PRKG1: variants seen among roughly 807,000 people sequenced by gnomAD.
PRKG1 encodes the protein cGMP-dependent protein kinase 1.
A neutral mutation model predicts 88.1 loss-of-function variants in PRKG1; 35 were observed. The observed-to-expected ratio is 0.40, with a 90% CI of 0.30 to 0.53. The LOEUF (loss-of-function observed/expected upper bound fraction) is 0.53. Among genes scored for constraint, PRKG1 ranks in the 20% least tolerant of loss-of-function variants. The pLI is 0.59. For synonymous variants in PRKG1, 303 were observed against 292.5 expected, an observed-to-expected ratio of 1.04 and a Z score of -0.37; for missense variants, 540 against 839.8, an observed-to-expected ratio of 0.64 and a Z score of 4.41.
At chr10:51,051,789 CA>C (rs1843565322) in intron 1 of PRKG1, among the ~76,000 whole-genome samples, 1 of 152,126 alleles carries the variant, frequency 6.6e-6, no homozygotes, top group Admixed American at 6.5e-5. Flanking sequence ...AGATGAAGAA[CA>C]AACATCACTT....
chr10:51,021,613 T>G (rs561787749), intron 1 of PRKG1, among the ~76,000 whole-genome samples: 10 of 152,278 alleles, frequency 6.6e-5, no homozygotes, highest in African/African-American at 2.4e-4. Context: ...AGGTAGAATT[T>G]TTTTCCTCCT....
chr10:51,053,353 A>G (rs1843589132), intron 1 of PRKG1, among the ~76,000 whole-genome samples: 1 of 152,152 alleles, frequency 6.6e-6, no homozygotes, highest in Non-Finnish European at 1.5e-5. Flanking sequence ...TCCAAAGAAA[A>G]CCTTGGTGCC....
Position 51,302,268 on chromosome 10 carries a change from T to C in PRKG1, c.478+148938T>C, listed in dbSNP as rs78234816. ...CGTTTAAAAACTTTTATTCAAATTG[T>C]ATATAACATCTACTTGACAAACATT... On this transcript the variant is annotated intron_variant, in intron 2 of 17. Transcript: ENST00000373980. Among the ~76,000 whole-genome samples the C allele has an allele frequency of 9.6e-4, 146 of 152,340 alleles. No homozygotes were observed. The East Asian group carries it at 0.026, about 28-fold the overall frequency.
intron 5 of PRKG1, chr10:51,910,733 A>G (rs1019316710): frequency 6.6e-6 from 1 of 152,088 alleles, no homozygotes; most frequent in Admixed American, 6.6e-5. Flanking sequence ...CCAAGCGAAG[A>G]TGGGTGGTTG....
intron 2 of PRKG1, among the ~76,000 whole-genome samples, chr10:51,262,675 G>C (rs549003524): frequency 4.2e-4 from 64 of 152,282 alleles, no homozygotes; most frequent in African/African-American, 1.5e-3. Context: ...AGGCTTAACA[G>C]GAAGCATGGC....
At chr10:52,292,290 G>T (rs371311390) in intron 17 of PRKG1, among the ~76,000 whole-genome samples, 19 of 151,664 alleles carry the variant, frequency 1.3e-4, no homozygotes, top group South Asian at 1.0e-3. Flanking sequence ...GTCAATTTTG[G>T]CTTTTGTTGC....
chr10:51,160,647 C>A (rs993103480), intron 2 of PRKG1, among the ~76,000 whole-genome samples: 1 of 152,094 alleles, frequency 6.6e-6, no homozygotes, highest in Non-Finnish European at 1.5e-5. Flanking sequence ...AATGGTACCT[C>A]GTGATCTTAA....
intron 2 of PRKG1, among the ~76,000 whole-genome samples, chr10:51,158,745 A>G (rs971496954): frequency 4.0e-5 from 6 of 151,866 alleles, no homozygotes; most frequent in African/African-American, 1.5e-4. Flanking sequence ...TCCACCATGT[A>G]CCTTGGAGGC....
chr10:51,115,210 A>G (rs985467081), intron 1 of PRKG1, among the ~76,000 whole-genome samples: 4 of 143,790 alleles, frequency 2.8e-5, no homozygotes, highest in African/African-American at 1.0e-4. Context: ...GCTACTCAGG[A>G]GGCTGAGGCA....
At chr10:51,401,969 CTATT>C (rs1009455607) in intron 2 of PRKG1, among the ~76,000 whole-genome samples, 1 of 152,114 alleles carries the variant, frequency 6.6e-6, no homozygotes, top group African/African-American at 2.4e-5. Context: ...TGCTGCCTCT[CTATT>C]TATCCAATAG....
At chr10:51,168,508 CAT>C (rs894097735) in intron 2 of PRKG1, among the ~76,000 whole-genome samples, 3 of 151,976 alleles carry the variant, frequency 2.0e-5, no homozygotes, top group Admixed American at 6.6e-5. Context: ...ATAGAGTAAA[CAT>C]CCATAGAAGT....
At chr10:51,316,788 C>T (rs575556316) in intron 2 of PRKG1, among the ~76,000 whole-genome samples, 52 of 152,268 alleles carry the variant, frequency 3.4e-4, no homozygotes, top group African/African-American at 1.2e-3. Flanking sequence ...TCAAATATTA[C>T]CACATTTCAA....
chr10:52,226,276 A>G (rs1840387115), intron 9 of PRKG1, among the ~76,000 whole-genome samples: 1 of 152,128 alleles, frequency 6.6e-6, no homozygotes, highest in African/African-American at 2.4e-5. Flanking sequence ...GGTTCAAGTT[A>G]TTTACCACAG....
intron 7 of PRKG1, among the ~76,000 whole-genome samples, chr10:52,069,462 T>C (rs1426825397): frequency 6.6e-6 from 1 of 151,990 alleles, no homozygotes; most frequent in Non-Finnish European, 1.5e-5. Context: ...ACCCAGGAGG[T>C]AGAGGTTGCA....
At chr10:52,152,385 C>T (rs1837953084) in intron 8 of PRKG1, among the ~76,000 whole-genome samples, 1 of 152,072 alleles carries the variant, frequency 6.6e-6, no homozygotes, top group African/African-American at 2.4e-5. Context: ...TTTAAACAAA[C>T]AAAGTGATTT....
rs74476756 is a variant in PRKG1, at chr10:51,722,869, G to T, written c.593-81716G>T. On this transcript the variant is annotated intron_variant, in intron 3 of 17. Coordinates refer to ENST00000373980, the MANE Select transcript of PRKG1 (RefSeq NM_006258.4). ...TGATTAAATGTTAAATCTCAGTCTCGCAGAAAAGTTCATAATCCATGTAAA... is the reference window on the plus strand; with the variant it reads ...TGATTAAATGTTAAATCTCAGTCTCTCAGAAAAGTTCATAATCCATGTAAA... Among the ~76,000 whole-genome samples, 21 of 152,184 alleles carry T rather than the reference G, an allele frequency of 1.4e-4. 1 individual carries two copies. In the East Asian group the frequency reaches 2.7e-3, roughly 20 times the overall value.
intron 8 of PRKG1, among the ~76,000 whole-genome samples, chr10:52,138,017 A>G (rs1196785346): frequency 6.6e-6 from 1 of 152,098 alleles, no homozygotes. Flanking sequence ...ATTTTTCCCC[A>G]GGAAATTAAG....
chr10:51,747,519 A>G (rs1273100082), intron 3 of PRKG1, among the ~76,000 whole-genome samples: 1 of 152,184 alleles, frequency 6.6e-6, no homozygotes, highest in African/African-American at 2.4e-5. Context: ...ATAATTCCCA[A>G]TAAATCCAAG....
At chr10:51,288,154 T>A (rs923785645) in intron 2 of PRKG1, among the ~76,000 whole-genome samples, 2 of 151,866 alleles carry the variant, frequency 1.3e-5, no homozygotes, top group African/African-American at 4.8e-5. Flanking sequence ...ATTTTTTTAT[T>A]ATTATACTTT....
Sources: gnomAD v4.1 joint callset for allele counts (sites outside exome capture counted in the v4.1 genomes callset) on GRCh38, gnomAD v4.1.1 for gene constraint, MANE v1.5 for transcripts, NCBI Gene and HGNC (gene_info 2026-07-23, HGNC 2026-07-21) for gene names.